Variants in MYO16 observed in about 807,000 individuals in gnomAD.
MYO16 encodes the protein myosin XVI.
Under a neutral mutation model 205.3 loss-of-function variants are expected in MYO16, and 94 were observed. The ratio of observed to expected loss-of-function variants is 0.46; its 90% CI spans 0.39 to 0.54. MYO16 has a LOEUF of 0.54. Among genes scored for constraint, MYO16 ranks in the 20% least tolerant of loss-of-function variants. MYO16 has a pLI of 0.00. For synonymous variants in MYO16, 988 were observed against 954.0 expected, an observed-to-expected ratio of 1.04 and a Z score of -0.66; for missense variants, 2,315 against 2,387.5, an observed-to-expected ratio of 0.97 and a Z score of 0.63.
At chr13:108,989,804 T>A (rs1884762871) in intron 20 of MYO16, among the ~76,000 whole-genome samples, 1 of 152,118 alleles carries the variant, frequency 6.6e-6, no homozygotes, top group Non-Finnish European at 1.5e-5. Context: ...CTCATTCTAA[T>A]TTTTTTCAGA....
At chr13:108,695,712 A>T (rs1883066649) in intron 2 of MYO16, among the ~76,000 whole-genome samples, 1 of 152,190 alleles carries the variant, frequency 6.6e-6, no homozygotes, top group Non-Finnish European at 1.5e-5. Flanking sequence ...TTTAACAGTA[A>T]TATAGCAAAA....
intron 15 of MYO16, among the ~76,000 whole-genome samples, chr13:108,903,580 G>A (rs1054134603): frequency 2.0e-5 from 3 of 152,126 alleles, no homozygotes; most frequent in African/African-American, 7.2e-5. Flanking sequence ...TCTATTGTAT[G>A]AATTTTTACT....
Position 109,140,208 on chromosome 13 carries a change from G to A in MYO16, c.4052-56G>A. 1.3e-6 allele frequency: 2 copies of A among 1,580,210 alleles called. No homozygotes were observed. The highest frequency in any genetic ancestry group is 1.7e-6 in the Non-Finnish European group (2 of 1,171,366). The stretch of plus-strand genomic sequence containing the variant: ...CCCTCCGAGTCGAGCCCCGGGCTTG[G>A]TGGGCACCCGTGGGCCTGGCCTGGC... On this transcript the variant is annotated intron_variant, in intron 31 of 34. Transcript: ENST00000457511. This position sits in a 1 kb window ranked among gnomAD's most constrained non-coding sequence, Gnocchi z 8.0.
Position 109,140,185 on chromosome 13 carries a change from C to A in MYO16, c.4052-79C>A. On this transcript the variant is annotated intron_variant, in intron 31 of 34. Coordinates refer to ENST00000457511, the MANE Select transcript of MYO16 (RefSeq NM_001198950.3). This position sits in a 1 kb window ranked among gnomAD's most constrained non-coding sequence, Gnocchi z 8.0. ...TCTCGGGGCACGGGGCCGTGGCTCC[C>A]TCCGAGTCGAGCCCCGGGCTTGGTG... 1 of 1,553,926 alleles carries A rather than the reference C, an allele frequency of 6.4e-7. No homozygotes were observed. The highest frequency in any genetic ancestry group is 1.2e-5 in the South Asian group (1 of 85,520).
intron 6 of MYO16, among the ~76,000 whole-genome samples, 166 bp from the exon 7 acceptor site, chr13:108,806,513 C>T (rs1261487280): frequency 6.6e-6 from 1 of 152,096 alleles, no homozygotes; most frequent in East Asian, 1.9e-4. Context: ...GATAATTACA[C>T]CCATTTATAC....
chr13:108,864,178 C>T (rs908985135), intron 11 of MYO16, among the ~76,000 whole-genome samples: 2 of 152,008 alleles, frequency 1.3e-5, no homozygotes, highest in Non-Finnish European at 2.9e-5. Flanking sequence ...TCATTTTACT[C>T]ATTTATTTCT....
intron 14 of MYO16, among the ~76,000 whole-genome samples, chr13:108,895,457 T>G (rs762698704): frequency 6.6e-6 from 1 of 152,220 alleles, no homozygotes; most frequent in Non-Finnish European, 1.5e-5. Context: ...TTGCATAGTT[T>G]ATTTAGCATT....
At position 109,127,753 on chromosome 13, in the gene MYO16, C is replaced by A; in HGVS notation, c.4051+203C>A. The A allele has an allele frequency of 1.8e-6, 1 of 551,966 alleles. No homozygotes were observed. Among genetic ancestry groups the A allele is most frequent in the African/African-American group, 1.9e-5 (1 of 53,510 alleles). The allele number at this position is 551,966 out of a possible 1,614,324, so 34.2% of individuals were successfully genotyped here. A position where few individuals can be genotyped will look rare whatever the true frequency, so the allele number is the denominator to read the frequency against. On this transcript the variant is annotated intron_variant, in intron 31 of 34. Coordinates refer to ENST00000457511, the MANE Select transcript of MYO16 (RefSeq NM_001198950.3). This position sits in a 1 kb window ranked among gnomAD's most constrained non-coding sequence, Gnocchi z 4.2. ...AAGCCTCTTAGGGAAAAGCTACTTA[C>A]ATGGCATTTCCTTAACTCCCATCCC...
At chr13:109,032,831 C>G (rs1886584984) in intron 23 of MYO16, among the ~76,000 whole-genome samples, 1 of 152,038 alleles carries the variant, frequency 6.6e-6, no homozygotes, top group Admixed American at 6.5e-5. Context: ...ATGTAGATTT[C>G]AATATCAGAA....
At chr13:108,763,787 T>TTTGTGTG (rs150965677) in intron 4 of MYO16, among the ~76,000 whole-genome samples, 67 of 142,634 alleles carry the variant, frequency 4.7e-4, no homozygotes, top group African/African-American at 1.7e-3. Context: ...AGAAAAGGAG[T>TTTGTGTG]TGTGTGTGTG....
chr13:108,812,196 T>C (rs2567247), intron 7 of MYO16, among the ~76,000 whole-genome samples: 142,236 of 152,212 alleles, frequency 0.93, 67,231 homozygotes, highest in East Asian at 1. Context: ...TTGCATATGA[T>C]GGTTCCTCTC....
At chr13:109,199,293 G>A (rs560768733) in intron 34 of MYO16, among the ~76,000 whole-genome samples, 8 of 143,296 alleles carry the variant, frequency 5.6e-5, no homozygotes, top group Non-Finnish European at 1.2e-4. Context: ...TTTAAGACAC[G>A]TGTTTTGTTT....
At chr13:108,759,793 C>T (rs1475716546) in intron 4 of MYO16, among the ~76,000 whole-genome samples, 3 of 148,376 alleles carry the variant, frequency 2.0e-5, no homozygotes, top group African/African-American at 7.5e-5. Context: ...GCACTCCAGC[C>T]TGGGCGACAC....
At chr13:109,058,553 A>G (rs1438637637) in intron 27 of MYO16, among the ~76,000 whole-genome samples, 1 of 152,206 alleles carries the variant, frequency 6.6e-6, no homozygotes, top group Non-Finnish European at 1.5e-5. Flanking sequence ...CATCTAAAAC[A>G]CAATATGATA....
intron 21 of MYO16, among the ~76,000 whole-genome samples, chr13:108,998,178 T>A (rs1885096739): frequency 6.7e-6 from 1 of 148,302 alleles, no homozygotes; most frequent in African/African-American, 2.5e-5. Flanking sequence ...TTTTCTTAAT[T>A]GGACTTTTCC....
At chr13:109,172,371 C>G (rs112233776) in intron 33 of MYO16, among the ~76,000 whole-genome samples, 3,110 of 152,226 alleles carry the variant, frequency 0.02, 105 homozygotes, top group African/African-American at 0.07. Context: ...TCGAGTAAGC[C>G]CTGCCCCACT....
intron 33 of MYO16, among the ~76,000 whole-genome samples, chr13:109,170,440 G>A (rs1020237929): frequency 1.3e-5 from 2 of 152,038 alleles, no homozygotes; most frequent in African/African-American, 4.8e-5. Context: ...TGGAGGGGAA[G>A]GCCAGTAGCG....
chr13:108,670,733 T>G (rs1197014098), intron 2 of MYO16, among the ~76,000 whole-genome samples: 7 of 152,258 alleles, frequency 4.6e-5, no homozygotes, highest in Admixed American at 4.6e-4. Flanking sequence ...TCTTAGGACA[T>G]GAAGAGTTTC....
chr13:108,936,384 A>G (rs1882493803), intron 16 of MYO16, among the ~76,000 whole-genome samples: 1 of 151,930 alleles, frequency 6.6e-6, no homozygotes, highest in Admixed American at 6.6e-5. Flanking sequence ...GTTTTTTATT[A>G]TAGATTTAAT....
Sources: allele counts gnomAD v4.1 joint callset (sites outside exome capture counted in the v4.1 genomes callset), GRCh38; gene constraint gnomAD v4.1.1; non-coding constraint Gnocchi (gnomAD v3.1); transcripts MANE v1.5; gene names NCBI Gene and HGNC (gene_info 2026-07-23, HGNC 2026-07-21).